CNTNAP2: variants seen among roughly 807,000 people sequenced by gnomAD.
CNTNAP2 encodes contactin associated protein 2, also known as contactin-associated protein-like 2.
In CNTNAP2, 98 loss-of-function variants were observed where a neutral mutation model predicts 155.2. The ratio of observed to expected loss-of-function variants is 0.63; its 90% CI spans 0.54 to 0.75. CNTNAP2 has a LOEUF of 0.75. Among genes scored for constraint, CNTNAP2 ranks in the 30% least tolerant of loss-of-function variants. The pLI is 0.00. For missense variants in CNTNAP2, 1,727 were observed against 1,688.1 expected, an observed-to-expected ratio of 1.02 and a Z score of -0.40; for synonymous variants, 651 against 631.2, an observed-to-expected ratio of 1.03 and a Z score of -0.47.
chr7:147,666,023 A>G (rs953491676), intron 13 of CNTNAP2, among the ~76,000 whole-genome samples: 1 of 152,210 alleles, frequency 6.6e-6, no homozygotes, highest in Non-Finnish European at 1.5e-5. Flanking sequence ...TCTCATGAGT[A>G]TGTCATAACA....
chr7:147,758,799 T>C (rs851655), intron 13 of CNTNAP2, among the ~76,000 whole-genome samples: 62,595 of 151,958 alleles, frequency 0.41, 15,655 homozygotes, highest in African/African-American at 0.71. Flanking sequence ...GAGCCCAGAT[T>C]GCTCCACTGT....
chr7:146,774,204 CACATA>C, intron 1 of CNTNAP2, 62 bp from the exon 2 acceptor site: 1 of 1,123,242 alleles, frequency 8.9e-7, no homozygotes. Flanking sequence ...TTTTAACCAA[CACATA>C]CCAATCGTTA....
intron 2 of CNTNAP2, among the ~76,000 whole-genome samples, chr7:146,827,761 A>C (rs549363759): frequency 2.0e-5 from 3 of 152,194 alleles, no homozygotes; most frequent in East Asian, 3.9e-4. Flanking sequence ...CAACTGATGA[A>C]GGCTTCGATC....
At chr7:147,898,704 G>C (rs1799811983) in intron 13 of CNTNAP2, among the ~76,000 whole-genome samples, 1 of 152,094 alleles carries the variant, frequency 6.6e-6, no homozygotes, top group South Asian at 2.1e-4. Flanking sequence ...AGTTTTAGTA[G>C]AGACGGGGTT....
intron 21 of CNTNAP2, among the ~76,000 whole-genome samples, chr7:148,345,479 C>T (rs1035489721): frequency 1.3e-5 from 2 of 152,184 alleles, no homozygotes; most frequent in Non-Finnish European, 2.9e-5. Context: ...TCTCCTGCCT[C>T]AGCCTCCTGA....
intron 13 of CNTNAP2, among the ~76,000 whole-genome samples, chr7:147,645,048 A>G (rs1795343910): frequency 6.6e-6 from 1 of 152,112 alleles, no homozygotes; most frequent in African/African-American, 2.4e-5. Context: ...TTTTGTTGAA[A>G]GAAGCAATAT....
rs1347397515 is a variant in CNTNAP2, at chr7:148,122,118, T to G, written c.2554+3830T>G. Reference sequence around the variant, plus strand: ...TCACACTCCTAACCACCCTGTGAAGTGCATACTAGCATTCACATCTCCATT... The same window carrying G: ...TCACACTCCTAACCACCCTGTGAAGGGCATACTAGCATTCACATCTCCATT... On this transcript the variant is annotated intron_variant, in intron 16 of 23. Transcript: ENST00000361727. Among the ~76,000 whole-genome samples the G allele has an allele frequency of 3.3e-5, 5 of 152,314 alleles. No homozygotes were observed. In the East Asian group the frequency reaches 9.7e-4, roughly 29 times the overall value.
chr7:147,144,877 C>T (rs368060385), intron 8 of CNTNAP2, among the ~76,000 whole-genome samples: 5 of 152,058 alleles, frequency 3.3e-5, no homozygotes, highest in East Asian at 3.9e-4. Flanking sequence ...TGTGTGAGTG[C>T]GTGGGTGTGT....
chr7:146,188,954 A>G (rs1798661937), intron 1 of CNTNAP2, among the ~76,000 whole-genome samples: 1 of 152,128 alleles, frequency 6.6e-6, no homozygotes, highest in African/African-American at 2.4e-5. Context: ...CTCTGGAGGG[A>G]GGGCCTGAGC....
chr7:147,053,994 C>T (rs898380569), intron 4 of CNTNAP2, among the ~76,000 whole-genome samples: 11 of 152,118 alleles, frequency 7.2e-5, no homozygotes, highest in Non-Finnish European at 1.3e-4. Context: ...CAGAGTTATG[C>T]GACTTGCATA....
intron 9 of CNTNAP2, among the ~76,000 whole-genome samples, chr7:147,326,179 C>T (rs1439148051): frequency 1.3e-5 from 2 of 152,196 alleles, no homozygotes; most frequent in African/African-American, 2.4e-5. Flanking sequence ...CCGCCTTGGC[C>T]TCCCAAAGTG....
At chr7:148,200,022 C>T (rs2116729881) in intron 18 of CNTNAP2, among the ~76,000 whole-genome samples, 2 of 152,292 alleles carry the variant, frequency 1.3e-5, no homozygotes, top group East Asian at 1.9e-4. Flanking sequence ...GGTGAATTCC[C>T]CTTCTTCTGC....
chr7:146,952,989 G>C (rs1393364144), intron 3 of CNTNAP2, among the ~76,000 whole-genome samples: 1 of 152,022 alleles, frequency 6.6e-6, no homozygotes, highest in African/African-American at 2.4e-5. Flanking sequence ...TAGTTGATCT[G>C]TGTTCATGGC....
rs1239387927 is a variant in CNTNAP2 at position 148,376,936 on chromosome 7, C to T, written c.3476-6713C>T. On this transcript the variant is annotated intron_variant, in intron 21 of 23. Coordinates refer to ENST00000361727, the MANE Select transcript of CNTNAP2 (RefSeq NM_014141.6). Reference sequence around the variant, plus strand: ...CTGATGTTTACCATTTGATCACGTTCGAACTGAGGAATGAGGCTTATCGGA... The same window carrying T: ...CTGATGTTTACCATTTGATCACGTTTGAACTGAGGAATGAGGCTTATCGGA... Among the ~76,000 whole-genome samples the T allele has an allele frequency of 3.0e-5, 2 of 67,546 alleles. 1 individual carries two copies. Among genetic ancestry groups the T allele is most frequent in the East Asian group, 8.6e-4 (2 of 2,324 alleles). The allele number at this position is 67,546 out of a possible 152,430, so 44.3% of individuals were successfully genotyped here.
At chr7:147,701,885 C>T (rs982133059) in intron 13 of CNTNAP2, among the ~76,000 whole-genome samples, 6 of 152,092 alleles carry the variant, frequency 3.9e-5, no homozygotes, top group East Asian at 3.9e-4. Flanking sequence ...CATTACGGTG[C>T]GGAAGGAACC....
At chr7:146,738,197 T>C (rs1222362119) in intron 1 of CNTNAP2, among the ~76,000 whole-genome samples, 1 of 152,026 alleles carries the variant, frequency 6.6e-6, no homozygotes, top group Non-Finnish European at 1.5e-5. Context: ...ATTTTGATAA[T>C]AGCCATTCTA....
intron 13 of CNTNAP2, among the ~76,000 whole-genome samples, chr7:147,842,217 C>T (rs1435110549): frequency 6.6e-6 from 1 of 152,196 alleles, no homozygotes; most frequent in Admixed American, 6.5e-5. Flanking sequence ...CCAAAGGTCA[C>T]ATAGGTAGTA....
intron 8 of CNTNAP2, among the ~76,000 whole-genome samples, chr7:147,218,037 G>A (rs1209535268): frequency 6.6e-6 from 1 of 151,884 alleles, no homozygotes; most frequent in East Asian, 1.9e-4. Context: ...CTTCTTTTTA[G>A]TTAGCCTAGC....
intron 10 of CNTNAP2, among the ~76,000 whole-genome samples, chr7:147,468,197 A>G (rs1798153527): frequency 6.6e-6 from 1 of 152,176 alleles, no homozygotes; most frequent in African/African-American, 2.4e-5. Flanking sequence ...AGGCTGAGGC[A>G]GGATTGCTTG....
Sources: gnomAD v4.1 joint callset for allele counts (sites outside exome capture counted in the v4.1 genomes callset) on GRCh38, gnomAD v4.1.1 for gene constraint, MANE v1.5 for transcripts, NCBI Gene and HGNC (gene_info 2026-07-23, HGNC 2026-07-21) for gene names.